Variants in C2orf76 observed in about 807,000 individuals in gnomAD.
C2orf76 encodes the protein chromosome 2 open reading frame 76.
In C2orf76, 23 loss-of-function variants were observed where a neutral mutation model predicts 16.9. The observed-to-expected ratio is 1.36, with a 90% CI of 0.98 to 1.93. The LOEUF is 1.93. C2orf76 is among the 30% of genes most tolerant of loss of function. The pLI is 0.00. For missense variants in C2orf76, 152 were observed against 152.6 expected (o/e 1.00, Z 0.02); for synonymous variants, 48 against 52.3 (o/e 0.92, Z 0.35).
the C2orf76 span, among the ~76,000 whole-genome samples, chr2:119,283,042 G>A: frequency 7.9e-5 from 12 of 152,298 alleles, no homozygotes; most frequent in African/African-American, 2.2e-4. Flanking sequence ...GCCACTCTGC[G>A]GGGATGTCAT....
intron 1 of C2orf76, among the ~76,000 whole-genome samples, chr2:119,343,455 C>A (rs187630253): frequency 2.3e-3 from 328 of 142,150 alleles, no homozygotes; most frequent in African/African-American, 7.9e-3. Context: ...CATACACACG[C>A]ATATGCACAC....
intron 5 of C2orf76, among the ~76,000 whole-genome samples, chr2:119,306,272 G>C (rs1057105103): frequency 1.3e-5 from 2 of 152,212 alleles, no homozygotes; most frequent in African/African-American, 4.8e-5. Context: ...CATCCCGAAA[G>C]AGAAGGGGGA....
chr2:119,288,920 T>C, the C2orf76 span, among the ~76,000 whole-genome samples: 1 of 152,002 alleles, frequency 6.6e-6, no homozygotes, highest in Non-Finnish European at 1.5e-5. Context: ...TCTCCCTCTC[T>C]TACACCTCAA....
chr2:119,311,823 G>T, intron 4 of C2orf76, 120 bp from the exon 5 acceptor site: 1 of 927,990 alleles, frequency 1.1e-6, no homozygotes, highest in Non-Finnish European at 1.6e-6. Context: ...AGATTCCACT[G>T]CCCTGGCCGT....
the C2orf76 span, among the ~76,000 whole-genome samples, chr2:119,281,389 C>G: frequency 1.8e-4 from 27 of 152,142 alleles, no homozygotes; most frequent in Middle Eastern, 3.4e-3. Context: ...GTTTTCCGTT[C>G]CAAGAGTTTC....
intron 4 of C2orf76, among the ~76,000 whole-genome samples, chr2:119,314,790 C>A (rs1679112900): frequency 6.6e-6 from 1 of 152,070 alleles, no homozygotes; most frequent in African/African-American, 2.4e-5. Context: ...TAAGAGAGAA[C>A]TGATTTTACG....
At chr2:119,290,463 G>GA in the C2orf76 span, among the ~76,000 whole-genome samples, 1 of 152,066 alleles carries the variant, frequency 6.6e-6, no homozygotes, top group Admixed American at 6.6e-5. Context: ...GAAAAAGAAG[G>GA]AAATAAGACT....
intron 4 of C2orf76, among the ~76,000 whole-genome samples, chr2:119,312,044 C>T (rs67648091): frequency 0.31 from 47,486 of 152,016 alleles, 7,868 homozygotes; most frequent in Non-Finnish European, 0.38. Flanking sequence ...GAGGCCCCTT[C>T]CTCATCACCT....
chr2:119,354,238 G>A (rs558856249), intron 1 of C2orf76, among the ~76,000 whole-genome samples: 9 of 152,250 alleles, frequency 5.9e-5, no homozygotes, highest in East Asian at 3.9e-4. Flanking sequence ...GGCAGGGCAC[G>A]GTAGCTCACG....
At chr2:119,286,277 A>G in the C2orf76 span, among the ~76,000 whole-genome samples, 2 of 150,334 alleles carry the variant, frequency 1.3e-5, no homozygotes, top group African/African-American at 4.9e-5. Context: ...TCAGTGCTCC[A>G]GAGGACTGGC....
chr2:119,341,662 C>A (rs1006527249), intron 1 of C2orf76, among the ~76,000 whole-genome samples: 2 of 152,046 alleles, frequency 1.3e-5, no homozygotes, highest in Non-Finnish European at 2.9e-5. Flanking sequence ...TCTAGTAGCA[C>A]CTACTTTGTG....
intron 4 of C2orf76, among the ~76,000 whole-genome samples, chr2:119,313,066 G>C (rs1410302061): frequency 6.7e-6 from 1 of 149,672 alleles, no homozygotes; most frequent in Non-Finnish European, 1.5e-5. Context: ...CCCCTAAATA[G>C]CACAAAGAGA....
At chr2:119,316,505 T>C (rs769013222) in intron 4 of C2orf76, among the ~76,000 whole-genome samples, 3 of 152,222 alleles carry the variant, frequency 2.0e-5, no homozygotes, top group Non-Finnish European at 1.5e-5. Flanking sequence ...TTAAATAACA[T>C]AAATTTTAAA....
rs1573632981 is a variant in C2orf76 at position 119,317,456 on chromosome 2, T to C, written c.222+10A>G. 1 of 1,594,416 alleles carries C rather than the reference T, an allele frequency of 6.3e-7. No homozygotes were observed. The highest frequency in any genetic ancestry group is 1.3e-5 in the African/African-American group (1 of 74,582). ...TGCTATGTGCCAGATACTGTACCTG[T>C]GGAACATACCTTTGATTTATGTGCT... is the stretch of plus-strand genomic sequence containing the variant. On this transcript the variant is annotated intron_variant, in intron 4 of 5. Coordinates refer to ENST00000334816, the MANE Select transcript of C2orf76 (RefSeq NM_001322331.2).
chr2:119,282,658 C>G, the C2orf76 span, among the ~76,000 whole-genome samples: 1 of 152,220 alleles, frequency 6.6e-6, no homozygotes, highest in Admixed American at 6.5e-5. Context: ...CACCCCGGTG[C>G]ATCCTCCCTC....
At chr2:119,287,894 CA>C in the C2orf76 span, among the ~76,000 whole-genome samples, 1 of 152,002 alleles carries the variant, frequency 6.6e-6, no homozygotes. Context: ...TGATTTGGAC[CA>C]TATACATTAC....
chr2:119,303,285 A>T (rs1293175416), intron 5 of C2orf76, among the ~76,000 whole-genome samples: 1 of 152,266 alleles, frequency 6.6e-6, no homozygotes, highest in African/African-American at 2.4e-5. Context: ...AGTCAGCAAC[A>T]TTATTAATTC....
At chr2:119,365,032 T>G (rs1680883022) in intron 1 of C2orf76, among the ~76,000 whole-genome samples, 1 of 152,152 alleles carries the variant, frequency 6.6e-6, no homozygotes, top group South Asian at 2.1e-4. Flanking sequence ...TGCAGAGAGC[T>G]GAGATTGTGC....
At chr2:119,281,813 C>T in the C2orf76 span, among the ~76,000 whole-genome samples, 1 of 152,132 alleles carries the variant, frequency 6.6e-6, no homozygotes, top group Non-Finnish European at 1.5e-5. Flanking sequence ...CAAGTGAAGT[C>T]TTAAGGACGT....
Sources: gnomAD v4.1 joint callset for allele counts (sites outside exome capture counted in the v4.1 genomes callset) on GRCh38, gnomAD v4.1.1 for gene constraint, MANE v1.5 for transcripts, NCBI Gene and HGNC (gene_info 2026-07-23, HGNC 2026-07-21) for gene names.